BCAS3: variants seen among roughly 807,000 people sequenced by gnomAD.
The protein encoded by BCAS3 is BCAS4/BCAS3 fusion.
A neutral mutation model predicts 116.1 loss-of-function variants in BCAS3; 53 were observed. The observed-to-expected ratio is 0.46, with a 90% CI of 0.37 to 0.57. The LOEUF is 0.57. Among genes scored for constraint, BCAS3 ranks in the 20% least tolerant of loss-of-function variants. The pLI is 0.00. For synonymous variants in BCAS3, 391 were observed against 408.2 expected (o/e 0.96, Z 0.51); for missense variants, 917 against 1,165.4 (o/e 0.79, Z 3.10).
chr17:60,900,340 A>G (rs1380689860), intron 10 of BCAS3, among the ~76,000 whole-genome samples: 1 of 152,054 alleles, frequency 6.6e-6, no homozygotes, highest in Non-Finnish European at 1.5e-5. Context: ...GTTAAGTTTC[A>G]GGGCCTGGGA....
chr17:60,857,717 C>T (rs925293726), intron 7 of BCAS3, among the ~76,000 whole-genome samples: 2 of 152,096 alleles, frequency 1.3e-5, no homozygotes, highest in Admixed American at 6.6e-5. Context: ...ATATGTCGGG[C>T]GTGCACCCAA....
chr17:61,045,972 ATATAT>A (rs1459905611), intron 19 of BCAS3, among the ~76,000 whole-genome samples: 30 of 11,074 alleles, frequency 2.7e-3, no homozygotes, highest in Non-Finnish European at 3.5e-3. Context: ...TATAATATAT[ATATAT>A]TATATATATA....
At chr17:60,689,120 T>C (rs971554395) in intron 3 of BCAS3, 9 of 152,270 alleles carry the variant, frequency 5.9e-5, no homozygotes, top group African/African-American at 2.2e-4. Flanking sequence ...CATTTGCCTT[T>C]GAATTATAGT....
intron 7 of BCAS3, among the ~76,000 whole-genome samples, chr17:60,863,624 C>CGG (rs1284098035): frequency 1.3e-5 from 2 of 151,840 alleles, no homozygotes; most frequent in African/African-American, 2.4e-5. Flanking sequence ...TATGGTGGTG[C>CGG]GCACCTGTAG....
At chr17:61,369,594 T>A (rs2058939955) in intron 23 of BCAS3, among the ~76,000 whole-genome samples, 1 of 152,130 alleles carries the variant, frequency 6.6e-6, no homozygotes, top group Non-Finnish European at 1.5e-5. Context: ...CCCTCATCCA[T>A]CCCCATGCCG....
intron 6 of BCAS3, among the ~76,000 whole-genome samples, chr17:60,772,603 G>A (rs1346215468): frequency 6.6e-6 from 1 of 152,168 alleles, no homozygotes; most frequent in Non-Finnish European, 1.5e-5. Context: ...ACATAGGCTG[G>A]GCATGGTGGC....
intron 17 of BCAS3, among the ~76,000 whole-genome samples, chr17:61,035,095 G>T (rs1307351364): frequency 6.6e-6 from 1 of 152,060 alleles, no homozygotes; most frequent in Non-Finnish European, 1.5e-5. Flanking sequence ...TTACAAGCTA[G>T]TTTCACCCCT....
At chr17:61,266,387 G>A (rs917968526) in intron 22 of BCAS3, among the ~76,000 whole-genome samples, 2 of 152,162 alleles carry the variant, frequency 1.3e-5, no homozygotes, top group African/African-American at 2.4e-5. Flanking sequence ...TTAAAAGGAC[G>A]ATCTTTCTTG....
At chr17:60,909,434 A>AAG (rs1446947107) in intron 11 of BCAS3, among the ~76,000 whole-genome samples, 1 of 152,178 alleles carries the variant, frequency 6.6e-6, no homozygotes, top group Admixed American at 6.5e-5. Flanking sequence ...TGTTTTAGAA[A>AAG]AGATAGTCAC....
At position 61,212,559 on chromosome 17, in the gene BCAS3, A is replaced by ATAT. The variant is rs1327954454; in HGVS notation, c.2425+127995_2425+127996insTAT. On this transcript the variant is annotated intron_variant, in intron 22 of 23. Transcript: ENST00000407086. ...AATAAAGTGTATATATATATATATA[A>ATAT]AAACTATATTGTATATTTGCAATAT... 1.8e-3 allele frequency among the ~76,000 whole-genome samples: 276 copies of ATAT among 149,978 alleles called. 1 individual carries two copies. Among genetic ancestry groups the ATAT allele is most frequent in the African/African-American group, 5.6e-3 (229 of 41,104 alleles).
chr17:61,197,898 C>T (rs1440426099), intron 22 of BCAS3, among the ~76,000 whole-genome samples: 1 of 152,178 alleles, frequency 6.6e-6, no homozygotes, highest in Non-Finnish European at 1.5e-5. Context: ...TAGAAATTCT[C>T]ATGACTTCTA....
intron 22 of BCAS3, among the ~76,000 whole-genome samples, chr17:61,194,501 G>C (rs984037086): frequency 1.3e-5 from 2 of 152,140 alleles, no homozygotes; most frequent in Admixed American, 1.3e-4. Flanking sequence ...CACTTTGGGA[G>C]GCCAAGGCGG....
rs34834505 is a variant in BCAS3 at position 61,249,246 on chromosome 17, C to CA, written c.2426-119080dup. ...AGGCTGCAGTGAGCCGAGATCACAC[C>CA]ACTGCACTCCAGCCTGGGCAACAAG... On this transcript the variant is annotated intron_variant, in intron 22 of 23. Coordinates refer to ENST00000407086, the MANE Select transcript of BCAS3 (RefSeq NM_017679.5). The surrounding 1 kb of genome is among the most constrained non-coding windows in gnomAD (Gnocchi z 6.2). 2.5e-4 allele frequency among the ~76,000 whole-genome samples: 38 copies of CA among 152,264 alleles called. No homozygotes were observed. The East Asian group carries it at 7.1e-3, about 29-fold the overall frequency.
At chr17:61,163,138 T>A (rs1003792811) in intron 22 of BCAS3, among the ~76,000 whole-genome samples, 1 of 152,036 alleles carries the variant, frequency 6.6e-6, no homozygotes, top group South Asian at 2.1e-4. Flanking sequence ...TAAAAAGTGG[T>A]TTTAGGCCAG....
chr17:61,119,460 C>T (rs967564575), intron 22 of BCAS3, among the ~76,000 whole-genome samples: 6 of 152,016 alleles, frequency 3.9e-5, no homozygotes, highest in African/African-American at 1.2e-4. Flanking sequence ...GCTGAAAGGG[C>T]ATTTGATAAA....
intron 22 of BCAS3, among the ~76,000 whole-genome samples, chr17:61,115,435 T>G (rs2075368933): frequency 1.4e-5 from 2 of 146,684 alleles, no homozygotes; most frequent in South Asian, 2.2e-4. Flanking sequence ...GCAAAGGACA[T>G]GAACAGACAC....
chr17:61,328,883 G>A (rs1602717603), intron 22 of BCAS3, among the ~76,000 whole-genome samples: 1 of 149,720 alleles, frequency 6.7e-6, no homozygotes, highest in Non-Finnish European at 1.5e-5. Flanking sequence ...GCATGAAGAC[G>A]CAGGCTCTTT....
chr17:61,312,485 CT>C (rs1203242759), intron 22 of BCAS3, among the ~76,000 whole-genome samples: 1 of 152,242 alleles, frequency 6.6e-6, no homozygotes, highest in Non-Finnish European at 1.5e-5. Context: ...AATCTTGCCA[CT>C]GTGGCTGGCA....
chr17:61,320,655 G>C (rs1052752476), intron 22 of BCAS3, among the ~76,000 whole-genome samples: 6 of 148,660 alleles, frequency 4.0e-5, no homozygotes, highest in African/African-American at 1.5e-4. Context: ...CAGCCTGGGC[G>C]ACAGAGCGAG....
Sources: allele counts gnomAD v4.1 joint callset (sites outside exome capture counted in the v4.1 genomes callset), GRCh38; gene constraint gnomAD v4.1.1; non-coding constraint Gnocchi (gnomAD v3.1); transcripts MANE v1.5; gene names NCBI Gene and HGNC (gene_info 2026-07-23, HGNC 2026-07-21).